CFAP299: variants seen among roughly 807,000 people sequenced by gnomAD.
CFAP299 encodes cilia and flagella associated protein 299, also known as cilia- and flagella-associated protein 299.
In CFAP299, 21 loss-of-function variants were observed where a neutral mutation model predicts 27.0. The observed-to-expected ratio is 0.78, with a 90% CI of 0.55 to 1.12. CFAP299 has a LOEUF of 1.12. Among genes scored for constraint, CFAP299 ranks in the 50% most tolerant of loss-of-function variants. CFAP299 has a pLI of 0.00. For synonymous variants in CFAP299, 104 were observed against 98.1 expected (o/e 1.06, Z -0.36); for missense variants, 310 against 276.6 (o/e 1.12, Z -0.86).
At chr4:80,524,749 C>T (rs547774066) in intron 2 of CFAP299, among the ~76,000 whole-genome samples, 1 of 152,284 alleles carries the variant, frequency 6.6e-6, no homozygotes, top group South Asian at 2.1e-4. Flanking sequence ...ATGTATTCAT[C>T]ATCTATTGAT....
intron 2 of CFAP299, among the ~76,000 whole-genome samples, chr4:80,486,469 T>C (rs1730825807): frequency 6.6e-6 from 1 of 152,188 alleles, no homozygotes; most frequent in South Asian, 2.1e-4. Context: ...AATATTGAGT[T>C]TTAGGACTTT....
Position 80,415,838 on chromosome 4 carries a change from A to G in CFAP299, c.242+52954A>G, listed in dbSNP as rs531113188. On this transcript the variant is annotated intron_variant, in intron 2 of 5. Coordinates refer to ENST00000358105, the MANE Select transcript of CFAP299 (RefSeq NM_152770.3). ...TAGAAGTTGCTCCTTAAATCTTAGA[A>G]AAATATTGAAAAGCTATGTTTAAAA... 1.5e-3 allele frequency among the ~76,000 whole-genome samples: 235 copies of G among 152,306 alleles called. 1 individual carries two copies. Among genetic ancestry groups the G allele is most frequent in the African/African-American group, 5.3e-3 (222 of 41,588 alleles).
In CFAP299 at chr4:80,870,073, G is replaced by A. The variant is rs374347843; in HGVS notation, c.414G>A (p.Thr138=). The change falls in exon 4 of 6, where the codon ACG becomes ACA. Residue 138 remains threonine, a synonymous_variant. Coordinates refer to ENST00000358105, the MANE Select transcript of CFAP299 (RefSeq NM_152770.3). ...GYIDYAHRLK[T]EDFEVYFTGK... ...TCGACTATGCCCACAGGCTAAAGAC[G>A]GAAGATTTTGAAGTCTACTTTACTG... 77 of 1,613,666 alleles carry A rather than the reference G, an allele frequency of 4.8e-5. No individual in the cohort carries two copies. The highest frequency in any genetic ancestry group is 3.3e-4 in the African/African-American group (25 of 75,010).
chr4:80,928,708 A>C (rs1365767696), intron 4 of CFAP299, among the ~76,000 whole-genome samples: 1 of 152,120 alleles, frequency 6.6e-6, no homozygotes, highest in Non-Finnish European at 1.5e-5. Flanking sequence ...TCCAGTACTA[A>C]CAGCAAAGAT....
intron 2 of CFAP299, among the ~76,000 whole-genome samples, chr4:80,401,529 G>T (rs982162305): frequency 6.6e-6 from 1 of 152,196 alleles, no homozygotes; most frequent in South Asian, 2.1e-4. Context: ...GAGCCTGTGG[G>T]TATACAGAAG....
intron 4 of CFAP299, among the ~76,000 whole-genome samples, chr4:80,929,346 C>G (rs34449123): frequency 6.6e-6 from 1 of 151,944 alleles, no homozygotes; most frequent in Non-Finnish European, 1.5e-5. Context: ...CATCCAGTCT[C>G]TATGACACCA....
intron 3 of CFAP299, among the ~76,000 whole-genome samples, chr4:80,779,698 A>G (rs1726761536): frequency 6.6e-6 from 1 of 151,838 alleles, no homozygotes. Context: ...ATTGGCAGGT[A>G]TTCTCCTCAT....
chr4:80,535,280 G>T (rs1320506022), intron 2 of CFAP299, among the ~76,000 whole-genome samples: 1 of 151,884 alleles, frequency 6.6e-6, no homozygotes, highest in Non-Finnish European at 1.5e-5. Flanking sequence ...ACCTGAAAGG[G>T]GACCCTTCCC....
chr4:80,958,899 T>G (rs1296973194), intron 5 of CFAP299, among the ~76,000 whole-genome samples: 1 of 152,174 alleles, frequency 6.6e-6, no homozygotes, highest in Non-Finnish European at 1.5e-5. Context: ...AAGACATAAA[T>G]TCTGGATTAT....
chr4:80,824,223 CAGG>C (rs1729859861), intron 3 of CFAP299, among the ~76,000 whole-genome samples: 1 of 152,054 alleles, frequency 6.6e-6, no homozygotes, highest in African/African-American at 2.4e-5. Flanking sequence ...TTTAAGCTTT[CAGG>C]AGATGTCTTG....
chr4:80,604,894 A>AG (rs1486584906), intron 3 of CFAP299, among the ~76,000 whole-genome samples: 2 of 151,578 alleles, frequency 1.3e-5, no homozygotes, highest in African/African-American at 4.8e-5. Flanking sequence ...TAATACCAGA[A>AG]AAAAAAAAAA....
At chr4:80,687,736 A>T (rs1266931421) in intron 3 of CFAP299, among the ~76,000 whole-genome samples, 1 of 152,212 alleles carries the variant, frequency 6.6e-6, no homozygotes, top group African/African-American at 2.4e-5. Flanking sequence ...AGCGTGAGCG[A>T]CGCAGAAGAC....
Position 80,963,499 on chromosome 4 carries a change from G to A in CFAP299, c.607-18G>A. 7 of 1,519,782 alleles carry A rather than the reference G, an allele frequency of 4.6e-6. No individual in the cohort carries two copies. The highest frequency in any genetic ancestry group is 6.3e-6 in the Non-Finnish European group (7 of 1,116,894). 94.1% of individuals were successfully genotyped at this position (1,519,782 alleles called of 1,614,324 possible). The stretch of plus-strand genomic sequence containing the variant: ...TATTTTTATAGACTTGACTAACAAT[G>A]TAATTTATGTATTTTAGGCGCAGCC... On this transcript the variant is annotated intron_variant, in intron 5 of 5. Coordinates refer to ENST00000358105, the MANE Select transcript of CFAP299 (RefSeq NM_152770.3).
At chr4:80,739,252 A>C (rs1724111772) in intron 3 of CFAP299, among the ~76,000 whole-genome samples, 2 of 152,132 alleles carry the variant, frequency 1.3e-5, no homozygotes, top group African/African-American at 2.4e-5. Context: ...TACTATTACC[A>C]GTGCATTTTG....
At chr4:80,489,032 AT>A (rs1730979999) in intron 2 of CFAP299, among the ~76,000 whole-genome samples, 2 of 152,204 alleles carry the variant, frequency 1.3e-5, no homozygotes, top group South Asian at 4.1e-4. Flanking sequence ...ATTACTTCAT[AT>A]TCCTTGTCCT....
intron 2 of CFAP299, among the ~76,000 whole-genome samples, chr4:80,461,989 G>C (rs1729461487): frequency 6.6e-6 from 1 of 152,020 alleles, no homozygotes; most frequent in Non-Finnish European, 1.5e-5. Flanking sequence ...CCTTCTTCTT[G>C]AGGCTTATGA....
intron 3 of CFAP299, among the ~76,000 whole-genome samples, chr4:80,746,820 G>A (rs1355599816): frequency 1.3e-5 from 2 of 151,968 alleles, no homozygotes; most frequent in Non-Finnish European, 2.9e-5. Context: ...GTGTTTTTCA[G>A]TTAATTTATG....
At chr4:80,374,038 A>G (rs1161835446) in intron 2 of CFAP299, among the ~76,000 whole-genome samples, 1 of 152,126 alleles carries the variant, frequency 6.6e-6, no homozygotes, top group East Asian at 1.9e-4. Flanking sequence ...TCTCTCTGAA[A>G]TTTAGGCCTT....
intron 3 of CFAP299, among the ~76,000 whole-genome samples, chr4:80,863,451 T>C (rs1230911288): frequency 2.6e-5 from 4 of 152,170 alleles, no homozygotes; most frequent in African/African-American, 7.2e-5. Context: ...TGAGAGGTAA[T>C]GAGGACCTAA....
Sources: gnomAD v4.1 joint callset for allele counts (sites outside exome capture counted in the v4.1 genomes callset) on GRCh38, gnomAD v4.1.1 for gene constraint, MANE v1.5 for transcripts, NCBI Gene and HGNC (gene_info 2026-07-23, HGNC 2026-07-21) for gene names.